SMYD4: variants seen among roughly 807,000 people sequenced by gnomAD.
SMYD4 encodes the protein SET and MYND domain containing 4.
SMYD4 carries 68 observed loss-of-function variants against 72.8 expected under a neutral mutation model. That is an observed-to-expected ratio of 0.93 (90% CI 0.77 to 1.14). The LOEUF is 1.14. Ranked by LOEUF, SMYD4 falls within the 50% of genes most tolerant of loss-of-function variation. The pLI is 0.00. For synonymous variants in SMYD4, 407 were observed against 388.6 expected (o/e 1.05, Z -0.56); for missense variants, 984 against 1,003.7 (o/e 0.98, Z 0.27).
At chr17:1,798,662 C>A (rs924818488) in intron 5 of SMYD4, among the ~76,000 whole-genome samples, 1 of 151,956 alleles carries the variant, frequency 6.6e-6, no homozygotes, top group South Asian at 2.1e-4. Flanking sequence ...TTTTGGGAGG[C>A]CAAAGCAGGT....
At chr17:1,795,747 G>GTTTTTTTTTT (rs368038317) in intron 5 of SMYD4, among the ~76,000 whole-genome samples, 3,953 of 128,032 alleles carry the variant, frequency 0.031, 95 homozygotes, top group South Asian at 0.057. Flanking sequence ...TGGCCCGTGA[G>GTTTTTTTTTT]TTTTTTTTTT....
At chr17:1,804,561 G>T in intron 4 of SMYD4, 65 bp downstream of exon 4, 1 of 1,362,080 alleles carries the variant, frequency 7.3e-7, no homozygotes, top group Non-Finnish European at 1.0e-6. Context: ...AGAGATGAAG[G>T]TCTAGTCCTC....
At chr17:1,828,114 G>T in intron 1 of SMYD4, 108 bp from the exon 2 acceptor site, 1 of 1,081,736 alleles carries the variant, frequency 9.2e-7, no homozygotes. Flanking sequence ...ACTTTGGGAA[G>T]CCGAGGTAGG....
At chr17:1,807,063 T>G (rs559103631) in intron 3 of SMYD4, among the ~76,000 whole-genome samples, 1 of 152,042 alleles carries the variant, frequency 6.6e-6, no homozygotes, top group Admixed American at 6.6e-5. Context: ...GCTTATTCTG[T>G]ATTTTTAGTA....
intron 5 of SMYD4, among the ~76,000 whole-genome samples, chr17:1,799,287 CAT>C (rs1909578648): frequency 6.6e-6 from 1 of 151,566 alleles, no homozygotes; most frequent in African/African-American, 2.4e-5. Context: ...TTTTTACAAA[CAT>C]AGCTTTACAC....
chr17:1,817,216 T>G (rs1269404413), intron 2 of SMYD4, among the ~76,000 whole-genome samples: 1 of 152,082 alleles, frequency 6.6e-6, no homozygotes, highest in Non-Finnish European at 1.5e-5. Context: ...TTTTGTATTT[T>G]TAGTAGAGAC....
chr17:1,812,545 CTTTTTTTTTT>C (rs71150818), intron 2 of SMYD4, among the ~76,000 whole-genome samples: 1 of 63,702 alleles, frequency 1.6e-5, no homozygotes, highest in Non-Finnish European at 3.0e-5. Flanking sequence ...AGCAGAATTT[CTTTTTTTTTT>C]TTTTTTTTTT....
chr17:1,827,973 A>G lies in SMYD4; in HGVS notation c.22T>C (p.Trp8Arg). 6.2e-7 allele frequency: 1 copy of G among 1,612,988 alleles called. No individual in the cohort carries two copies. The highest frequency in any genetic ancestry group is 8.5e-7 in the Non-Finnish European group (1 of 1,179,090). The part of the protein sequence containing the change: MDLPVDE[W>R]KSYLLQKWAS... ...CACTTTTGAAGCAGATATGATTTCC[A>G]TTCATCCACAGGCAGATCCATGCTG... The change falls in exon 2 of 11, where the codon TGG becomes CGG. Residue 8 changes from tryptophan (W) to arginine (R), a missense_variant. By Grantham distance (101) the Trp-to-Arg change is moderately radical. Coordinates refer to ENST00000305513, the MANE Select transcript of SMYD4 (RefSeq NM_052928.3).
At position 1,809,758 on chromosome 17, in the gene SMYD4, C is replaced by G. The variant is rs981931236; in HGVS notation, c.279+2213G>C. Among the ~76,000 whole-genome samples, 6 of 151,538 alleles carry G rather than the reference C, an allele frequency of 4.0e-5. No individual in the cohort carries two copies. The South Asian group carries it at 6.2e-4, about 16-fold the overall frequency. On this transcript the variant is annotated intron_variant, in intron 3 of 10. Transcript: ENST00000305513. ...GATCTCGGCTCACTGCAAGCTCCGC[C>G]TCCCGGGTTCACGCCATTCTCCTGC...
chr17:1,799,849 C>T lies in SMYD4; in HGVS notation c.1537+8G>A, dbSNP rs1486080541. 4 of 1,565,878 alleles carry T rather than the reference C, an allele frequency of 2.6e-6. No homozygotes were observed. Among genetic ancestry groups the T allele is most frequent in the African/African-American group, 1.4e-5 (1 of 73,832 alleles). On this transcript the variant is annotated splice_region_variant and intron_variant, in intron 5 of 10. Coordinates refer to ENST00000305513, the MANE Select transcript of SMYD4 (RefSeq NM_052928.3). Reference sequence around the variant, plus strand: ...ATTGAAAAGCAGGAACATCAGGTTCCCTCTTACCTGTGTGTTGTATGGTGG... The same window carrying T: ...ATTGAAAAGCAGGAACATCAGGTTCTCTCTTACCTGTGTGTTGTATGGTGG...
rs2036010136 is a variant in SMYD4 at position 1,800,961 on chromosome 17, T to C, written c.433A>G (p.Ile145Val). Residue 145 changes from isoleucine (I) to valine (V), a missense_variant, in exon 5 of 11, where the codon ATT becomes GTT. Ile to Val is a conservative substitution (Grantham distance 29). Coordinates refer to ENST00000305513, the MANE Select transcript of SMYD4 (RefSeq NM_052928.3). ...HGYPERLQPK[I>V]MLRKAECLVA... ...AGACATTCTGCTTTACGTAACATAA[T>C]CTTGGGTTGCAACCTTTCTGGATAC... 6.2e-7 allele frequency: 1 copy of C among 1,614,022 alleles called. No individual in the cohort carries two copies. Among genetic ancestry groups the C allele is most frequent in the South Asian group, 1.1e-5 (1 of 91,088 alleles).
rs565814499 is a variant in SMYD4, at chr17:1,788,284, C to T, written c.1538-680G>A. On this transcript the variant is annotated intron_variant, in intron 5 of 10. Coordinates refer to ENST00000305513, the MANE Select transcript of SMYD4 (RefSeq NM_052928.3). Reference sequence around the variant, plus strand: ...GGAGGATCAGTTGAGCCCTAGAGAGCGAGGCTGCAGTGAGCCAGGATTGCA... The same window carrying T: ...GGAGGATCAGTTGAGCCCTAGAGAGTGAGGCTGCAGTGAGCCAGGATTGCA... Among the ~76,000 whole-genome samples the T allele has an allele frequency of 6.6e-5, 10 of 151,944 alleles. No homozygotes were observed. The East Asian group carries it at 7.7e-4, about 12-fold the overall frequency.
intron 5 of SMYD4, among the ~76,000 whole-genome samples, chr17:1,797,876 C>T (rs896117246): frequency 6.6e-6 from 1 of 152,022 alleles, no homozygotes; most frequent in Non-Finnish European, 1.5e-5. Context: ...GGGGTGCACG[C>T]CTGTAATCCC....
intron 2 of SMYD4, among the ~76,000 whole-genome samples, chr17:1,818,474 T>C (rs948623221): frequency 6.6e-6 from 1 of 152,214 alleles, no homozygotes; most frequent in Non-Finnish European, 1.5e-5. Context: ...ATTACTATAA[T>C]ATCATTATCA....
chr17:1,796,112 T>C (rs1351252452), intron 5 of SMYD4, among the ~76,000 whole-genome samples: 2 of 152,066 alleles, frequency 1.3e-5, no homozygotes, highest in Non-Finnish European at 2.9e-5. Context: ...CAGTTTTCAT[T>C]AGCCACAGAA....
Position 1,795,809 on chromosome 17 carries a change from TA to T in SMYD4, c.1537+4047del, listed in dbSNP as rs1370686155. ...TTATGGGAAAGGTATACAATCATTT[TA>T]AAATTTAATAGTATAATGGTACCAC... On this transcript the variant is annotated intron_variant, in intron 5 of 10. Coordinates refer to ENST00000305513, the MANE Select transcript of SMYD4 (RefSeq NM_052928.3). Among the ~76,000 whole-genome samples the T allele has an allele frequency of 2.0e-5, 3 of 149,756 alleles. No individual in the cohort carries two copies. The Admixed American group carries it at 2.0e-4, about 10-fold the overall frequency.
chr17:1,826,491 C>CAAAAAAAAAAAA (rs111636314), intron 2 of SMYD4, among the ~76,000 whole-genome samples: 3 of 103,056 alleles, frequency 2.9e-5, no homozygotes, highest in Non-Finnish European at 4.0e-5. Flanking sequence ...AAACTCTGTC[C>CAAAAAAAAAAAA]AAAAAAAAAA....
intron 7 of SMYD4, among the ~76,000 whole-genome samples, chr17:1,784,955 T>G (rs1284759739): frequency 1.7e-5 from 2 of 117,564 alleles, no homozygotes; most frequent in Non-Finnish European, 3.7e-5. Context: ...GTGTGTTATT[T>G]ATTTTTTTTT....
At position 1,818,602 on chromosome 17, in the gene SMYD4, T is replaced by C. The variant is rs917306764; in HGVS notation, c.135-6487A>G. 5.3e-5 allele frequency among the ~76,000 whole-genome samples: 8 copies of C among 152,314 alleles called. No homozygotes were observed. In the East Asian group the frequency reaches 5.8e-4, roughly 11 times the overall value. On this transcript the variant is annotated intron_variant, in intron 2 of 10. Transcript: ENST00000305513. ...AATCCAAGATCAACGTTCTCATGTA[T>C]TGAATTTAGTTATTTCTCTTTAGCC... is the stretch of plus-strand genomic sequence containing the variant.
Sources: allele counts gnomAD v4.1 joint callset (sites outside exome capture counted in the v4.1 genomes callset), GRCh38; gene constraint gnomAD v4.1.1; transcripts MANE v1.5; gene names NCBI Gene and HGNC (gene_info 2026-07-23, HGNC 2026-07-21).